Variants in PIK3CD observed in about 807,000 individuals in gnomAD.
PIK3CD encodes phosphatidylinositol-4,5-bisphosphate 3-kinase catalytic subunit delta.
PIK3CD carries 20 observed loss-of-function variants against 122.9 expected under a neutral mutation model. The ratio of observed to expected loss-of-function variants is 0.16; its 90% CI spans 0.11 to 0.24. The LOEUF (loss-of-function observed/expected upper bound fraction) is 0.24, where lower values mean the gene tolerates loss of function less well. Among genes scored for constraint, PIK3CD ranks in the 10% least tolerant of loss-of-function variants. PIK3CD has a pLI of 1.00. For missense variants in PIK3CD, 787 were observed against 1,406.3 expected (o/e 0.56, Z 7.04); for synonymous variants, 596 against 593.4 (o/e 1.00, Z -0.06).
At position 9,724,833 on chromosome 1, in the gene PIK3CD, C is replaced by A. The variant is rs1649247372; in HGVS notation, c.2894C>A (p.Thr965Asn). ...RFRGYCERAY[T>N]ILRRHGLLFL... Reference sequence around the variant, plus strand: ...CGGGGCTACTGTGAAAGGGCCTACACCATCCTGCGGCGCCACGGGCTTCTC... The same window carrying A: ...CGGGGCTACTGTGAAAGGGCCTACAACATCCTGCGGCGCCACGGGCTTCTC... Residue 965 changes from threonine to asparagine, a missense_variant, in exon 23 of 24, where the codon ACC becomes AAC. Physicochemically the swap from Thr to Asn is moderately conservative, Grantham distance 65. This residue lies in a region of PIK3CD where 60 missense variants were observed against 129.5 expected (regional missense o/e 0.46). Coordinates refer to ENST00000377346, the MANE Select transcript of PIK3CD (RefSeq NM_005026.5). This position sits in a 1 kb window ranked among gnomAD's most constrained non-coding sequence, Gnocchi z 7.3. 6.2e-7 allele frequency: 1 copy of A among 1,613,660 alleles called. No homozygotes were observed. Among genetic ancestry groups the A allele is most frequent in the African/African-American group, 1.3e-5 (1 of 74,942 alleles).
At chr1:9,666,227 CTTTTT>C (rs573382597) in intron 1 of PIK3CD, among the ~76,000 whole-genome samples, 9 of 44,194 alleles carry the variant, frequency 2.0e-4, no homozygotes, top group South Asian at 1.1e-3. Context: ...CGCGCCCGGT[CTTTTT>C]TTTTTTTTTT....
At chr1:9,649,369 T>C (rs985849669), upstream of PIK3CD, among the ~76,000 whole-genome samples, 2 of 152,094 alleles carry the variant, frequency 1.3e-5, no homozygotes, top group African/African-American at 4.8e-5. Context: ...AATCTGGAAC[T>C]ACAGGTGCAC....
At position 9,720,419 on chromosome 1, in the gene PIK3CD, T is replaced by G; in HGVS notation, c.1470+177T>G. 1 of 1,388,762 alleles carries G rather than the reference T, an allele frequency of 7.2e-7. No homozygotes were observed. Among genetic ancestry groups the G allele is most frequent in the Non-Finnish European group, 9.7e-7 (1 of 1,031,574 alleles). The allele number at this position is 1,388,762 out of a possible 1,614,324, so 86.0% of individuals were successfully genotyped here. On this transcript the variant is annotated intron_variant, in intron 11 of 23. Transcript: ENST00000377346. This position sits in a 1 kb window ranked among gnomAD's most constrained non-coding sequence, Gnocchi z 9.0. ...GGGATGCTGCGCAGTCTGATGACAT[T>G]TTCGGTTGTCACAGCTGCCAGGAGG...
chr1:9,628,667 G>A, the PIK3CD span, among the ~76,000 whole-genome samples: 1 of 152,198 alleles, frequency 6.6e-6, no homozygotes, highest in Non-Finnish European at 1.5e-5. Flanking sequence ...CACGGAGGTG[G>A]CCCAGAGTTG....
At chr1:9,659,664 G>A (rs1644956023) in intron 1 of PIK3CD, among the ~76,000 whole-genome samples, 1 of 152,150 alleles carries the variant, frequency 6.6e-6, no homozygotes. Context: ...AATTTAGCAT[G>A]TTTCTTGAAG....
upstream of PIK3CD, among the ~76,000 whole-genome samples, chr1:9,651,468 T>C (rs564172130): frequency 6.6e-6 from 1 of 152,270 alleles, no homozygotes; most frequent in East Asian, 1.9e-4. Flanking sequence ...GCCTAGGACC[T>C]TTATTTCGTT....
intron 1 of PIK3CD, among the ~76,000 whole-genome samples, chr1:9,686,413 G>A (rs1570226147): frequency 1.3e-5 from 2 of 149,362 alleles, no homozygotes; most frequent in South Asian, 4.3e-4. Context: ...TTTTGCCCAG[G>A]TTGTTCTTAA....
At chr1:9,716,717 T>A in intron 6 of PIK3CD, 98 bp downstream of exon 6, 1 of 1,356,426 alleles carries the variant, frequency 7.4e-7, no homozygotes, top group Non-Finnish European at 1.0e-6. Flanking sequence ...ACCTTGAGCC[T>A]GCCGAGCCAG....
chr1:9,667,918 T>TTG (rs1284585723), intron 1 of PIK3CD, among the ~76,000 whole-genome samples: 1 of 145,890 alleles, frequency 6.9e-6, no homozygotes, highest in African/African-American at 2.5e-5. Flanking sequence ...GTTTTTTTTT[T>TTG]TTTTTTTTTT....
Position 9,721,586 on chromosome 1 carries a change from C to T in PIK3CD, c.1954C>T (p.Arg652Cys), listed in dbSNP as rs765392990. ...KIGHFLFWHLRSEMHVPSVAL... is the reference protein window; with the variant it reads ...KIGHFLFWHLCSEMHVPSVAL... The stretch of plus-strand genomic sequence containing the variant: ...CGGCCACTTCCTTTTCTGGCACCTC[C>T]GGTAGCGGGACTTGCCCCAGCCGTT... The change falls in exon 15 of 24, where the codon CGC becomes TGC. Residue 652 changes from arginine to cysteine, a missense_variant and splice_region_variant. Coordinates refer to ENST00000377346, the MANE Select transcript of PIK3CD (RefSeq NM_005026.5). 6.8e-6 allele frequency: 11 copies of T among 1,612,840 alleles called. No homozygotes were observed. The highest frequency in any genetic ancestry group is 1.7e-5 in the Admixed American group (1 of 59,988).
chr1:9,640,359 CA>C, the PIK3CD span, among the ~76,000 whole-genome samples: 11 of 151,998 alleles, frequency 7.2e-5, no homozygotes, highest in African/African-American at 2.4e-4. Flanking sequence ...GCAGGTGGAT[CA>C]CCTGAGGTCA....
chr1:9,644,296 C>A, the PIK3CD span, among the ~76,000 whole-genome samples: 1 of 152,032 alleles, frequency 6.6e-6, no homozygotes. Flanking sequence ...AGGAGGATCA[C>A]CTGAGGTCAG....
chr1:9,663,475 CT>C (rs895492118), intron 1 of PIK3CD, among the ~76,000 whole-genome samples: 31 of 152,316 alleles, frequency 2.0e-4, no homozygotes, highest in African/African-American at 7.5e-4. Flanking sequence ...GGATATCTAC[CT>C]GTTGATATCT....
intron 1 of PIK3CD, among the ~76,000 whole-genome samples, chr1:9,667,776 G>A (rs144556531): frequency 0.017 from 2,495 of 142,930 alleles, 67 homozygotes; most frequent in African/African-American, 0.06. Flanking sequence ...TCACTCTGTC[G>A]CCCACACTGG....
upstream of PIK3CD, among the ~76,000 whole-genome samples, chr1:9,648,404 C>T (rs139677255): frequency 2.5e-4 from 38 of 152,288 alleles, 1 homozygote; most frequent in African/African-American, 8.7e-4. Flanking sequence ...CAAAACCATT[C>T]GTCATCTGGC....
intron 2 of PIK3CD, among the ~76,000 whole-genome samples, chr1:9,703,197 A>G (rs190033020): frequency 6.6e-6 from 1 of 152,172 alleles, no homozygotes; most frequent in Admixed American, 6.5e-5. Context: ...GTCAAAACCC[A>G]CTGGACTGAC....
intron 13 of PIK3CD, 57 bp from the exon 14 acceptor site, chr1:9,721,070 C>A: frequency 6.6e-7 from 1 of 1,512,742 alleles, no homozygotes; most frequent in African/African-American, 1.4e-5. Context: ...CACCCTTACC[C>A]TGACCACCTC....
chr1:9,657,953 C>T (rs1644905188), intron 1 of PIK3CD, among the ~76,000 whole-genome samples: 1 of 151,950 alleles, frequency 6.6e-6, no homozygotes, highest in South Asian at 2.1e-4. Context: ...CTCCAGGGCT[C>T]TCTGGAAGGG....
chr1:9,717,121 C>G lies in PIK3CD; in HGVS notation c.930+13C>G. 11 of 1,613,758 alleles carry G rather than the reference C, an allele frequency of 6.8e-6. No homozygotes were observed. Among genetic ancestry groups the G allele is most frequent in the Non-Finnish European group, 9.3e-6 (11 of 1,179,992 alleles). Reference sequence around the variant, plus strand: ...TCCTGCGAAGAAGGTGAGATGGCGCCTTCCGCCTCCCCTCTGAGCCACCCC... The same window carrying G: ...TCCTGCGAAGAAGGTGAGATGGCGCGTTCCGCCTCCCCTCTGAGCCACCCC... On this transcript the variant is annotated intron_variant, in intron 7 of 23. Coordinates refer to ENST00000377346, the MANE Select transcript of PIK3CD (RefSeq NM_005026.5). The surrounding 1 kb of genome is among the most constrained non-coding windows in gnomAD (Gnocchi z 5.4).
Sources: allele counts gnomAD v4.1 joint callset (sites outside exome capture counted in the v4.1 genomes callset), GRCh38; gene constraint gnomAD v4.1.1; regional missense constraint gnomAD v4.1.1; non-coding constraint Gnocchi (gnomAD v3.1); transcripts MANE v1.5; gene names NCBI Gene and HGNC (gene_info 2026-07-23, HGNC 2026-07-21).